NTM: variants seen among roughly 807,000 people sequenced by gnomAD.
NTM encodes the protein neurotrimin, also known as IgLON family member 2.
Under a neutral mutation model 42.1 loss-of-function variants are expected in NTM, and 13 were observed. That is an observed-to-expected ratio of 0.31 (90% CI 0.20 to 0.49). The LOEUF (loss-of-function observed/expected upper bound fraction) is 0.49, where lower values mean the gene tolerates loss of function less well. Ranked by LOEUF, NTM falls within the 20% of genes least tolerant of loss-of-function variation. The probability of loss-of-function intolerance (pLI) is 0.99; values close to 1 mark genes in which losing one functional copy is unlikely to be tolerated. For missense variants in NTM, 373 were observed against 452.8 expected, an observed-to-expected ratio of 0.82 and a Z score of 1.60; for synonymous variants, 187 against 179.2, an observed-to-expected ratio of 1.04 and a Z score of -0.35.
intron 1 of NTM, among the ~76,000 whole-genome samples, chr11:131,823,499 C>G (rs901071221): frequency 1.5e-4 from 23 of 152,142 alleles, no homozygotes; most frequent in African/African-American, 4.6e-4. Context: ...TCTAGCTGAC[C>G]TGTGGCCAGC....
At chr11:132,252,127 C>T (rs1021202415) in intron 4 of NTM, among the ~76,000 whole-genome samples, 2 of 152,194 alleles carry the variant, frequency 1.3e-5, no homozygotes, top group African/African-American at 2.4e-5. Flanking sequence ...CCCTCTTAGC[C>T]AGGGCTGGCC....
intron 1 of NTM, among the ~76,000 whole-genome samples, chr11:131,381,290 C>A (rs558433091): frequency 3.9e-5 from 6 of 152,290 alleles, no homozygotes; most frequent in African/African-American, 1.4e-4. Flanking sequence ...AATCTAGTCT[C>A]TCTTCCACAA....
chr11:131,725,762 T>C (rs1367459104), intron 1 of NTM, among the ~76,000 whole-genome samples: 2 of 152,150 alleles, frequency 1.3e-5, no homozygotes, highest in East Asian at 3.9e-4. Flanking sequence ...CTGGATGGTG[T>C]TGAGCTGAAG....
At chr11:131,621,825 GAA>G (rs34307645) in intron 1 of NTM, among the ~76,000 whole-genome samples, 170 of 105,528 alleles carry the variant, frequency 1.6e-3, no homozygotes, top group Non-Finnish European at 2.7e-3. Context: ...TCAACTCAAA[GAA>G]AAAAAAAAAA....
intron 1 of NTM, among the ~76,000 whole-genome samples, chr11:131,780,126 T>A (rs542522556): frequency 6.6e-6 from 1 of 152,208 alleles, no homozygotes; most frequent in East Asian, 1.9e-4. Context: ...TTAAGTTGGA[T>A]AACAACATAG....
At chr11:131,841,285 C>A (rs2044210808) in intron 1 of NTM, among the ~76,000 whole-genome samples, 1 of 152,184 alleles carries the variant, frequency 6.6e-6, no homozygotes, top group Admixed American at 6.5e-5. Context: ...TATAGTGACA[C>A]AGCAAGATGA....
In NTM at chr11:131,370,681, C is replaced by A; in HGVS notation, c.-126C>A. ...CACACCCTCGGCTTTCTTGTTGTGT[C>A]CTTCAGCAAAACAGTGGATTTAAAT... On this transcript the variant is annotated 5_prime_UTR_variant, in exon 1 of 9. Transcript: ENST00000683400. The A allele has an allele frequency of 1.3e-6, 1 of 758,316 alleles. No individual in the cohort carries two copies. Among genetic ancestry groups the A allele is most frequent in the Non-Finnish European group, 2.1e-6 (1 of 469,526 alleles). 47.0% of individuals were successfully genotyped at this position (758,316 alleles called of 1,614,324 possible).
intron 1 of NTM, among the ~76,000 whole-genome samples, chr11:131,608,801 G>T (rs1229034475): frequency 6.6e-6 from 1 of 151,660 alleles, no homozygotes. Flanking sequence ...GATATTTTCT[G>T]GCCCAGTTGG....
At chr11:131,757,813 A>T (rs930314489) in intron 1 of NTM, among the ~76,000 whole-genome samples, 2 of 152,234 alleles carry the variant, frequency 1.3e-5, no homozygotes, top group Admixed American at 1.3e-4. Context: ...AAGTAGTGGG[A>T]TGAAGATTAG....
chr11:131,506,961 C>G (rs896999781), intron 1 of NTM, among the ~76,000 whole-genome samples: 2 of 152,056 alleles, frequency 1.3e-5, no homozygotes, highest in Admixed American at 6.6e-5. Context: ...GGTATTGTTC[C>G]CAAAGACAGA....
At chr11:131,783,379 T>C (rs2088543519) in intron 1 of NTM, among the ~76,000 whole-genome samples, 1 of 152,050 alleles carries the variant, frequency 6.6e-6, no homozygotes. Flanking sequence ...AAGATGATAG[T>C]TTTAAGGTGT....
rs1009584282 is a variant in NTM, at chr11:131,852,589, A to G, written c.83-58975A>G. On this transcript the variant is annotated intron_variant, in intron 1 of 8. Transcript: ENST00000683400. The stretch of plus-strand genomic sequence containing the variant: ...ATGGTCACCTGGCAGATGCTCATGG[A>G]ATCATGTGGAGTAACAGTGCCTGCT... 3.3e-5 allele frequency among the ~76,000 whole-genome samples: 5 copies of G among 152,242 alleles called. No individual in the cohort carries two copies. In the East Asian group the frequency reaches 9.7e-4, roughly 29 times the overall value.
chr11:131,539,248 G>A (rs888535427), intron 1 of NTM: 1 of 152,196 alleles, frequency 6.6e-6, no homozygotes, highest in African/African-American at 2.4e-5. Flanking sequence ...ATCCATCAAG[G>A]AGCCAGGAAG....
intron 1 of NTM, among the ~76,000 whole-genome samples, chr11:131,510,958 G>A (rs1407500115): frequency 6.6e-6 from 1 of 152,202 alleles, no homozygotes; most frequent in African/African-American, 2.4e-5. Flanking sequence ...GGAAGGACAG[G>A]GCCATACTGT....
At chr11:132,165,636 CA>C (rs781722746) in intron 3 of NTM, among the ~76,000 whole-genome samples, 8 of 152,182 alleles carry the variant, frequency 5.3e-5, no homozygotes, top group South Asian at 2.1e-4. Context: ...AACTGAGGCT[CA>C]GGGGGGGTTT....
chr11:131,982,724 A>T (rs899547735), intron 2 of NTM, among the ~76,000 whole-genome samples: 1 of 152,214 alleles, frequency 6.6e-6, no homozygotes, highest in African/African-American at 2.4e-5. Flanking sequence ...ACACGTCATA[A>T]AGGACTCAGG....
chr11:131,680,446 T>G (rs3862597), intron 1 of NTM, among the ~76,000 whole-genome samples: 75 of 67,874 alleles, frequency 1.1e-3, no homozygotes, highest in Admixed American at 1.9e-3. Context: ...TGAGATCATA[T>G]CTGTGTCTGT....
intron 1 of NTM, among the ~76,000 whole-genome samples, chr11:131,713,807 T>C (rs772147294): frequency 6.6e-6 from 1 of 152,128 alleles, no homozygotes; most frequent in Non-Finnish European, 1.5e-5. Context: ...CCGATGCAAG[T>C]TTTACAGCAG....
At chr11:131,874,054 T>TAATAATATAATATA (rs2048243545) in intron 1 of NTM, among the ~76,000 whole-genome samples, 3 of 87,828 alleles carry the variant, frequency 3.4e-5, no homozygotes, top group African/African-American at 8.8e-5. Context: ...TATATATATA[T>TAATAATATAATATA]ATATATATAT....
Sources: gnomAD v4.1 joint callset for allele counts (sites outside exome capture counted in the v4.1 genomes callset) on GRCh38, gnomAD v4.1.1 for gene constraint, MANE v1.5 for transcripts, NCBI Gene and HGNC (gene_info 2026-07-23, HGNC 2026-07-21) for gene names.